The following VAV2 variants were observed in gnomAD, a reference collection of about 807,000 sequenced individuals.
VAV2 encodes the protein guanine nucleotide exchange factor VAV2.
In VAV2, 67 loss-of-function variants were observed where a neutral mutation model predicts 132.5. That is an observed-to-expected ratio of 0.51 (90% CI 0.42 to 0.62). VAV2 has a LOEUF of 0.62. VAV2 is among the 20% of genes least tolerant of loss of function. The pLI, the probability that VAV2 is intolerant of heterozygous loss-of-function variation, is 0.00. For missense variants in VAV2, 938 were observed against 1,153.6 expected (o/e 0.81, Z 2.71); for synonymous variants, 492 against 443.5 (o/e 1.11, Z -1.37).
At chr9:133,940,273 C>T (rs112681827) in intron 1 of VAV2, among the ~76,000 whole-genome samples, 2,404 of 152,214 alleles carry the variant, frequency 0.016, 65 homozygotes, top group African/African-American at 0.055. Context: ...CGGGGATTCG[C>T]GAGGGGAGGG....
rs186816976 is a variant in VAV2, at chr9:133,857,320, C to T, written c.380+4054G>A. ...ACAACCACAATCCTCCCCCTTGCCC[C>T]GCTTCCCCAACACGTTTGATCCCCC... On this transcript the variant is annotated intron_variant, in intron 3 of 29. Transcript: ENST00000371850. This position sits in a 1 kb window ranked among gnomAD's most constrained non-coding sequence, Gnocchi z 4.0. 5.5e-4 allele frequency among the ~76,000 whole-genome samples: 84 copies of T among 152,314 alleles called. No homozygotes were observed. In the East Asian group the frequency reaches 0.012, roughly 22 times the overall value.
In VAV2 at chr9:133,806,073, C is replaced by T. The variant is rs2131682706; in HGVS notation, c.836+8G>A. ...GCCAAGGAGCCCCAGGAGCCGGCAG[C>T]CACTCACCTTTCCTTGAAATCGAGG... is the stretch of plus-strand genomic sequence containing the variant. On this transcript the variant is annotated splice_region_variant and intron_variant, in intron 9 of 29. Transcript: ENST00000371850. 1 of 1,611,704 alleles carries T rather than the reference C, an allele frequency of 6.2e-7. No individual in the cohort carries two copies. The highest frequency in any genetic ancestry group is 8.5e-7 in the Non-Finnish European group (1 of 1,179,458).
intron 2 of VAV2, among the ~76,000 whole-genome samples, chr9:133,904,168 C>T (rs921707245): frequency 2.5e-4 from 38 of 152,284 alleles, no homozygotes; most frequent in African/African-American, 8.2e-4. Context: ...CCTGGTGGGC[C>T]GGCTCCAGCC....
intron 3 of VAV2, among the ~76,000 whole-genome samples, chr9:133,856,880 C>G (rs942117698): frequency 3.9e-5 from 6 of 152,178 alleles, no homozygotes; most frequent in Non-Finnish European, 7.3e-5. Context: ...CTGCGAAAAC[C>G]CTTTTCCTCG....
chr9:133,975,214 G>T (rs894065490), intron 1 of VAV2, among the ~76,000 whole-genome samples: 2 of 148,978 alleles, frequency 1.3e-5, no homozygotes, highest in Non-Finnish European at 3.0e-5. Context: ...CGGCACCCCC[G>T]CCATGTCCAT....
intron 2 of VAV2, among the ~76,000 whole-genome samples, chr9:133,878,982 G>A (rs1838380140): frequency 6.6e-6 from 1 of 152,186 alleles, no homozygotes; most frequent in African/African-American, 2.4e-5. Flanking sequence ...TTGACTCCAT[G>A]GAGCAGGAGC....
intron 22 of VAV2, among the ~76,000 whole-genome samples, chr9:133,778,196 G>A (rs1324899038): frequency 2.8e-5 from 3 of 106,168 alleles, no homozygotes; most frequent in Admixed American, 2.7e-4. Context: ...AGGTCCCCGG[G>A]ATGAACGCCC....
chr9:133,780,651 GC>G, intron 20 of VAV2, 42 bp downstream of exon 20: 1 of 1,295,578 alleles, frequency 7.7e-7, no homozygotes, highest in South Asian at 2.7e-5. Flanking sequence ...CAGGGATGTG[GC>G]GGGGGTGGGG....
Position 133,843,613 on chromosome 9 carries a change from G to A in VAV2, c.381-9273C>T, listed in dbSNP as rs375130616. ...ACCCCCTGGCCTCAGCTCACTCACT[G>A]TAATATTTGGACAAGCCACCTGCCT... is the stretch of plus-strand genomic sequence containing the variant. On this transcript the variant is annotated intron_variant, in intron 3 of 29. Coordinates refer to ENST00000371850, the MANE Select transcript of VAV2 (RefSeq NM_001134398.2). Among the ~76,000 whole-genome samples, 8 of 152,256 alleles carry A rather than the reference G, an allele frequency of 5.3e-5. No homozygotes were observed. In the South Asian group the frequency reaches 1.0e-3, roughly 20 times the overall value.
At chr9:133,765,612 C>T (rs1833404766) in intron 29 of VAV2, among the ~76,000 whole-genome samples, 1 of 152,186 alleles carries the variant, frequency 6.6e-6, no homozygotes, top group South Asian at 2.1e-4. Context: ...CAAGTCAATG[C>T]AATTCATGAT....
At chr9:133,861,277 G>C in intron 3 of VAV2, 97 bp downstream of exon 3, 1 of 1,329,540 alleles carries the variant, frequency 7.5e-7, no homozygotes. Context: ...CACAGGCAGA[G>C]GGCATCTGCT....
At chr9:133,904,109 A>T (rs13291107) in intron 2 of VAV2, among the ~76,000 whole-genome samples, 11,938 of 151,912 alleles carry the variant, frequency 0.079, 527 homozygotes, top group Non-Finnish European at 0.093. Context: ...TATCCGGGTA[A>T]ATTCTGTGCC....
At chr9:133,952,447 C>T (rs1429297473) in intron 1 of VAV2, among the ~76,000 whole-genome samples, 1 of 151,894 alleles carries the variant, frequency 6.6e-6, no homozygotes, top group Non-Finnish European at 1.5e-5. Flanking sequence ...ACTAAAGATA[C>T]AAAAAATTAG....
rs573071239 is a variant in VAV2, at chr9:133,884,717, A to G, written c.322-23285T>C. Among the ~76,000 whole-genome samples the G allele has an allele frequency of 1.3e-5, 2 of 152,368 alleles. No individual in the cohort carries two copies. Among genetic ancestry groups the G allele is most frequent in the South Asian group, 4.1e-4 (2 of 4,828 alleles). Reference sequence around the variant, plus strand: ...TGGCTTTAAAAATGTTTTAACTCCAAAGATTTTTAATTAGCTTTATTCACT... The same window carrying G: ...TGGCTTTAAAAATGTTTTAACTCCAGAGATTTTTAATTAGCTTTATTCACT... On this transcript the variant is annotated intron_variant, in intron 2 of 29. Transcript: ENST00000371850. The surrounding 1 kb of genome is among the most constrained non-coding windows in gnomAD (Gnocchi z 5.3).
intron 1 of VAV2, among the ~76,000 whole-genome samples, chr9:133,986,784 G>A (rs72764880): frequency 0.16 from 24,298 of 152,050 alleles, 2,053 homozygotes; most frequent in African/African-American, 0.2. Flanking sequence ...CCTGTGTTGT[G>A]GACCTCGGCT....
rs1011710911 is a variant in VAV2, at chr9:133,919,062, C to T, written c.321+20041G>A. On this transcript the variant is annotated intron_variant, in intron 2 of 29. Transcript: ENST00000371850. This position sits in a 1 kb window ranked among gnomAD's most constrained non-coding sequence, Gnocchi z 5.8. ...TGCTGGGATTACAGGTGAGAGCTACCACCCCCGGCCGCCACCATGTTTTTA... is the reference window on the plus strand; with the variant it reads ...TGCTGGGATTACAGGTGAGAGCTACTACCCCCGGCCGCCACCATGTTTTTA... Among the ~76,000 whole-genome samples the T allele has an allele frequency of 2.0e-5, 3 of 152,072 alleles. No homozygotes were observed. In the East Asian group the frequency reaches 5.8e-4, roughly 29 times the overall value.
chr9:133,774,966 C>A lies in VAV2; in HGVS notation c.2104G>T (p.Ala702Ser), dbSNP rs750643570. ...CTTATTGCAAAGCGCTCAGCCTCGG[C>A]AGGCCGCTCCCTGATCAGGTAGGTC... ...SGTYLIRERP[A>S]EAERFAISIK... The change falls in exon 25 of 30, where the codon GCC becomes TCC. Residue 702 changes from alanine (A) to serine (S), a missense_variant. Coordinates refer to ENST00000371850, the MANE Select transcript of VAV2 (RefSeq NM_001134398.2). The A allele has an allele frequency of 3.7e-6, 6 of 1,613,436 alleles. No homozygotes were observed. Among genetic ancestry groups the A allele is most frequent in the Non-Finnish European group, 5.1e-6 (6 of 1,179,844 alleles).
chr9:133,815,048 C>T (rs1835504881), intron 4 of VAV2, among the ~76,000 whole-genome samples: 2 of 152,162 alleles, frequency 1.3e-5, no homozygotes, highest in Admixed American at 6.5e-5. Context: ...GCACGAGCTC[C>T]ATCTGGAGCC....
chr9:133,914,420 T>C (rs1434456472), intron 2 of VAV2, among the ~76,000 whole-genome samples: 2 of 150,794 alleles, frequency 1.3e-5, no homozygotes, highest in Non-Finnish European at 2.9e-5. Flanking sequence ...ACCTGGACCG[T>C]GGAATATTCT....
Sources: allele counts gnomAD v4.1 joint callset (sites outside exome capture counted in the v4.1 genomes callset), GRCh38; gene constraint gnomAD v4.1.1; non-coding constraint Gnocchi (gnomAD v3.1); transcripts MANE v1.5; gene names NCBI Gene and HGNC (gene_info 2026-07-23, HGNC 2026-07-21).